LRBA: variants seen among roughly 807,000 people sequenced by gnomAD.
LRBA encodes LPS responsive beige-like anchor protein.
Under a neutral mutation model 330.0 loss-of-function variants are expected in LRBA, and 176 were observed. The ratio of observed to expected loss-of-function variants is 0.53; its 90% CI spans 0.47 to 0.60. The LOEUF is 0.60. LRBA is among the 20% of genes least tolerant of loss of function. The probability of loss-of-function intolerance (pLI) is 0.00; values close to 1 mark genes in which losing one functional copy is unlikely to be tolerated. For missense variants in LRBA, 3,259 were observed against 3,444.8 expected, an observed-to-expected ratio of 0.95 and a Z score of 1.35; for synonymous variants, 1,230 against 1,193.0, an observed-to-expected ratio of 1.03 and a Z score of -0.64.
chr4:150,717,608 C>CA (rs574907656), intron 36 of LRBA, among the ~76,000 whole-genome samples: 6 of 150,260 alleles, frequency 4.0e-5, no homozygotes, highest in Non-Finnish European at 8.9e-5. Context: ...TGCAGTGAGC[C>CA]AAAATCGCAC....
At chr4:151,010,246 T>C (rs1197739752) in intron 2 of LRBA, among the ~76,000 whole-genome samples, 2 of 152,144 alleles carry the variant, frequency 1.3e-5, no homozygotes, top group Non-Finnish European at 2.9e-5. Context: ...ATTCTTGAAT[T>C]AGGTAGCACT....
At chr4:150,763,901 G>C (rs1484500622) in intron 34 of LRBA, among the ~76,000 whole-genome samples, 1 of 151,930 alleles carries the variant, frequency 6.6e-6, no homozygotes, top group Non-Finnish European at 1.5e-5. Flanking sequence ...TGGATAGGCA[G>C]CAAGTGATCA....
At chr4:150,677,661 G>A (rs1782671978) in intron 37 of LRBA, among the ~76,000 whole-genome samples, 1 of 151,874 alleles carries the variant, frequency 6.6e-6, no homozygotes, top group South Asian at 2.1e-4. Flanking sequence ...AGTTAACCTG[G>A]CATGGTGGTT....
At chr4:150,772,374 G>T (rs1736700959) in intron 34 of LRBA, among the ~76,000 whole-genome samples, 1 of 152,102 alleles carries the variant, frequency 6.6e-6, no homozygotes, top group African/African-American at 2.4e-5. Flanking sequence ...TAGCAGAACT[G>T]AGGACCATAG....
chr4:150,781,981 A>G (rs992964614), intron 34 of LRBA, among the ~76,000 whole-genome samples: 62 of 152,186 alleles, frequency 4.1e-4, no homozygotes, highest in Admixed American at 2.7e-3. Context: ...ATCACAATTC[A>G]CTGCAGCCTT....
chr4:150,588,502 T>C (rs758285531), intron 39 of LRBA, among the ~76,000 whole-genome samples: 2 of 152,176 alleles, frequency 1.3e-5, no homozygotes, highest in Non-Finnish European at 2.9e-5. Context: ...TCCATCCACA[T>C]TCCATTTAGA....
In LRBA at chr4:150,675,741, T is replaced by A. The variant is rs182867224; in HGVS notation, c.5921+7810A>T. Among the ~76,000 whole-genome samples the A allele has an allele frequency of 4.1e-3, 624 of 151,352 alleles. 5 individuals are homozygous for A. The highest frequency in any genetic ancestry group is 0.014 in the African/African-American group (586 of 41,238). ...TCAAAAAATAAATAAATTAATTAAA[T>A]AATTAATTAAATAAAAATACTTGGC... On this transcript the variant is annotated intron_variant, in intron 37 of 56. Coordinates refer to ENST00000651943, the MANE Select transcript of LRBA (RefSeq NM_001364905.1).
chr4:150,557,852 ATAGTT>A (rs1468469898), intron 40 of LRBA, among the ~76,000 whole-genome samples: 1 of 152,044 alleles, frequency 6.6e-6, no homozygotes. Flanking sequence ...TTTCCACTGT[ATAGTT>A]ATTTTAGTTA....
chr4:150,677,586 C>A (rs964890749), intron 37 of LRBA, among the ~76,000 whole-genome samples: 1 of 151,878 alleles, frequency 6.6e-6, no homozygotes, highest in South Asian at 2.1e-4. Flanking sequence ...TTGAATATGG[C>A]AAAACATGTT....
chr4:151,010,177 C>G (rs1359367837), intron 2 of LRBA, among the ~76,000 whole-genome samples: 3 of 151,912 alleles, frequency 2.0e-5, no homozygotes, highest in Non-Finnish European at 4.4e-5. Context: ...AATTACTTAA[C>G]AAAAATTTTT....
intron 2 of LRBA, among the ~76,000 whole-genome samples, chr4:150,970,976 C>G (rs1739521801): frequency 2.0e-5 from 3 of 152,064 alleles, no homozygotes; most frequent in Admixed American, 6.6e-5. Flanking sequence ...ACAGCTTGAC[C>G]AAGATCATAA....
intron 47 of LRBA, among the ~76,000 whole-genome samples, chr4:150,381,518 TCTCA>T (rs1183218442): frequency 2.0e-5 from 3 of 152,260 alleles, no homozygotes; most frequent in Admixed American, 1.3e-4. Context: ...CTGTAGCATG[TCTCA>T]CTATTTCACT....
At chr4:150,639,526 C>A (rs1405684874) in intron 37 of LRBA, among the ~76,000 whole-genome samples, 4 of 127,482 alleles carry the variant, frequency 3.1e-5, no homozygotes, top group African/African-American at 6.1e-5. Flanking sequence ...TAGAAATCTG[C>A]AAGGAAAGTT....
At chr4:150,610,049 GT>G (rs1775065537) in intron 37 of LRBA, among the ~76,000 whole-genome samples, 1 of 151,998 alleles carries the variant, frequency 6.6e-6, no homozygotes. Context: ...TCACCTGATT[GT>G]TTGTTTTTTT....
chr4:150,467,794 G>A lies in LRBA; in HGVS notation c.6668-9C>T. ...GTCATTATAACTCCGTCCTGATAGG[G>A]AAAAAAGTTACTCGTAATTTATAAT... is the stretch of plus-strand genomic sequence containing the variant. On this transcript the variant is annotated splice_polypyrimidine_tract_variant and intron_variant, in intron 43 of 56. Coordinates refer to ENST00000651943, the MANE Select transcript of LRBA (RefSeq NM_001364905.1). 2 of 1,244,074 alleles carry A rather than the reference G, an allele frequency of 1.6e-6. No individual in the cohort carries two copies. Among genetic ancestry groups the A allele is most frequent in the South Asian group, 1.4e-5 (1 of 73,826 alleles). 77.1% of individuals were successfully genotyped at this position (1,244,074 alleles called of 1,614,324 possible).
intron 37 of LRBA, among the ~76,000 whole-genome samples, chr4:150,626,225 T>C (rs1055646014): frequency 1.3e-5 from 2 of 152,172 alleles, no homozygotes; most frequent in African/African-American, 4.8e-5. Flanking sequence ...AGGGATCCTT[T>C]TGGCTTTAAA....
intron 40 of LRBA, among the ~76,000 whole-genome samples, chr4:150,524,736 T>C (rs1056922454): frequency 6.6e-6 from 1 of 152,192 alleles, no homozygotes; most frequent in African/African-American, 2.4e-5. Context: ...TTACAAATAT[T>C]GTGTATTGTG....
intron 2 of LRBA, among the ~76,000 whole-genome samples, chr4:151,003,384 G>A (rs1167824289): frequency 8.7e-6 from 1 of 115,442 alleles, no homozygotes; most frequent in Non-Finnish European, 1.7e-5. Flanking sequence ...GTGAAAGCAT[G>A]AGATTCGGTT....
intron 40 of LRBA, among the ~76,000 whole-genome samples, chr4:150,504,595 A>G (rs1561274401): frequency 6.6e-6 from 1 of 152,266 alleles, no homozygotes; most frequent in African/African-American, 2.4e-5. Context: ...TGAAGGAAGC[A>G]TTAAACATGG....
Sources: allele counts gnomAD v4.1 joint callset (sites outside exome capture counted in the v4.1 genomes callset), GRCh38; gene constraint gnomAD v4.1.1; transcripts MANE v1.5; gene names NCBI Gene and HGNC (gene_info 2026-07-23, HGNC 2026-07-21).